TRPM2: variants seen among roughly 807,000 people sequenced by gnomAD.
TRPM2 encodes estrogen-responsive element-associated gene 1 protein.
TRPM2 carries 161 observed loss-of-function variants against 174.0 expected under a neutral mutation model. The ratio of observed to expected loss-of-function variants is 0.93; its 90% confidence interval spans 0.81 to 1.05. The LOEUF is 1.05. Ranked by LOEUF, TRPM2 falls within the 50% of genes least tolerant of loss-of-function variation. TRPM2 has a pLI of 0.00. For missense variants in TRPM2, 2,057 were observed against 2,038.0 expected, an observed-to-expected ratio of 1.01 and a Z score of -0.18; for synonymous variants, 954 against 861.3, an observed-to-expected ratio of 1.11 and a Z score of -1.88.
chr21:44,404,152 GACACAT>G (rs1569072392), intron 16 of TRPM2, among the ~76,000 whole-genome samples: 4 of 150,040 alleles, frequency 2.7e-5, no homozygotes, highest in African/African-American at 9.9e-5. Flanking sequence ...CACACATACA[GACACAT>G]ACACATATAT....
rs2051387069 is a variant in TRPM2, at chr21:44,439,012, C to T, written c.4168-55C>T. 1.3e-6 allele frequency: 2 copies of T among 1,493,524 alleles called. No homozygotes were observed. The highest frequency in any genetic ancestry group is 1.7e-5 in the Admixed American group (1 of 58,204). The allele number at this position is 1,493,524 out of a possible 1,614,324, so 92.5% of individuals were successfully genotyped here. The stretch of plus-strand genomic sequence containing the variant: ...CCAGTGGAGACGGGTGCCAGGGCAG[C>T]CTGAGGTCCCGCTTCGGTGCCCTGT... On this transcript the variant is annotated intron_variant, in intron 29 of 31. Transcript: ENST00000397928. The surrounding 1 kb of genome is among the most constrained non-coding windows in gnomAD (Gnocchi z 5.1).
rs79321573 is a variant in TRPM2, at chr21:44,434,665, G to A, written c.3975-466G>A. 7.0e-3 allele frequency among the ~76,000 whole-genome samples: 1,058 copies of A among 152,208 alleles called. 14 individuals carry two copies. Among genetic ancestry groups the A allele is most frequent in the African/African-American group, 0.025 (1,027 of 41,534 alleles). Reference sequence around the variant, plus strand: ...CCGTGGTTAGCACACTCTGCTGGGGGTCTGTGTGGCCTATCATCTGTGGCC... The same window carrying A: ...CCGTGGTTAGCACACTCTGCTGGGGATCTGTGTGGCCTATCATCTGTGGCC... On this transcript the variant is annotated intron_variant, in intron 27 of 31. Transcript: ENST00000397928.
intron 11 of TRPM2, among the ~76,000 whole-genome samples, chr21:44,394,173 A>G (rs947950668): frequency 3.3e-5 from 5 of 151,888 alleles, no homozygotes; most frequent in African/African-American, 1.2e-4. Flanking sequence ...CAGGCCGGGT[A>G]TGGCTTGGTT....
At position 44,423,672 on chromosome 21, in the gene TRPM2, C is replaced by A; in HGVS notation, c.3489C>A (p.Asp1163Glu). ...TTGACGCCATGGTGGACCTGCTGGA[C>A]CTGGACCCACTGAAGAGGTCGGGCT... ...NKVDAMVDLLDLDPLKRSGSM... is the reference protein window; with the variant it reads ...NKVDAMVDLLELDPLKRSGSM... Residue 1163 changes from aspartate (D) to glutamate (E), a missense_variant, in exon 23 of 32, where the codon GAC becomes GAA. Transcript: ENST00000397928. 6.2e-7 allele frequency: 1 copy of A among 1,613,006 alleles called. No individual in the cohort carries two copies. The highest frequency in any genetic ancestry group is 8.5e-7 in the Non-Finnish European group (1 of 1,179,836).
intron 28 of TRPM2, among the ~76,000 whole-genome samples, chr21:44,436,165 C>G (rs1458087418): frequency 1.3e-5 from 2 of 152,202 alleles, no homozygotes; most frequent in African/African-American, 4.8e-5. Flanking sequence ...CTGCTCTCAC[C>G]CAAGGCACGG....
At chr21:44,418,397 C>G (rs772840196) in intron 21 of TRPM2, 26 bp from the exon 22 acceptor site, 3 of 1,612,178 alleles carry the variant, frequency 1.9e-6, no homozygotes, top group Middle Eastern at 1.7e-4. Context: ...TTCCAGGTCC[C>G]CTGGTCTGTC....
rs753589764 is a variant in TRPM2 at position 44,425,661 on chromosome 21, T to C, written c.3638-9T>C. 5.0e-5 allele frequency: 75 copies of C among 1,497,016 alleles called. No individual in the cohort carries two copies. The highest frequency in any genetic ancestry group is 7.0e-5 in the African/African-American group (5 of 71,874). The allele number at this position is 1,497,016 out of a possible 1,614,324, so 92.7% of individuals were successfully genotyped here. On this transcript the variant is annotated splice_polypyrimidine_tract_variant and intron_variant, in intron 24 of 31. Coordinates refer to ENST00000397928, the MANE Select transcript of TRPM2 (RefSeq NM_003307.4). The stretch of plus-strand genomic sequence containing the variant: ...CCGCCTTGCGTCACGTCTTCCTGAC[T>C]GTCCCCAGCCTCCCAGAAGGCCGCG...
intron 19 of TRPM2, among the ~76,000 whole-genome samples, chr21:44,413,227 C>CTTT (rs958225632): frequency 6.9e-4 from 80 of 116,248 alleles, no homozygotes; most frequent in African/African-American, 2.3e-3. Flanking sequence ...CTTTTCAATT[C>CTTT]TTTTTTTTTT....
chr21:44,404,951 CAG>C lies in TRPM2; in HGVS notation c.2539-190_2539-189del, dbSNP rs1053292635. Reference sequence around the variant, plus strand: ...GTGACAGTGATAGTGATGATAGTGACAGTGACTGTGATGATAGTGGATAGTGA... The same window carrying C: ...GTGACAGTGATAGTGATGATAGTGACTGACTGTGATGATAGTGGATAGTGA... On this transcript the variant is annotated intron_variant, in intron 16 of 31. Transcript: ENST00000397928. Among the ~76,000 whole-genome samples, 29 of 134,638 alleles carry C rather than the reference CAG, an allele frequency of 2.2e-4. 1 individual carries two copies. Among genetic ancestry groups the C allele is most frequent in the Admixed American group, 3.9e-4 (5 of 12,986 alleles). 88.3% of individuals were successfully genotyped at this position (134,638 alleles called of 152,430 possible).
chr21:44,385,233 AC>A (rs2048985197), intron 9 of TRPM2, among the ~76,000 whole-genome samples: 1 of 152,238 alleles, frequency 6.6e-6, no homozygotes, highest in Admixed American at 6.5e-5. Flanking sequence ...CATGGTAAAA[AC>A]ATTCAACAAA....
intron 5 of TRPM2, 30 bp from the exon 6 acceptor site, chr21:44,375,803 G>C: frequency 6.3e-7 from 1 of 1,590,500 alleles, no homozygotes; most frequent in East Asian, 2.3e-5. Flanking sequence ...CTTTCCAGAA[G>C]CAGTGTCTGA....
intron 22 of TRPM2, chr21:44,422,530 A>G: frequency 2.2e-6 from 3 of 1,365,382 alleles, no homozygotes; most frequent in Non-Finnish European, 2.9e-6. Context: ...AACTGTTTAA[A>G]GTGGGTCATA....
At chr21:44,381,952 G>A (rs113514529) in intron 8 of TRPM2, among the ~76,000 whole-genome samples, 1 of 143,478 alleles carries the variant, frequency 7.0e-6, no homozygotes, top group African/African-American at 2.6e-5. Flanking sequence ...ATAGATAGAT[G>A]GATAGATAGA....
chr21:44,393,631 C>G (rs193184840), intron 11 of TRPM2, among the ~76,000 whole-genome samples: 3 of 151,350 alleles, frequency 2.0e-5, no homozygotes, highest in Non-Finnish European at 4.4e-5. Context: ...TAAGCTTGGT[C>G]GACTCCCCTG....
rs963623477 is a variant in TRPM2, at chr21:44,366,416, A to G, written c.424-338A>G. Among the ~76,000 whole-genome samples the G allele has an allele frequency of 6.6e-6, 1 of 151,746 alleles. No individual in the cohort carries two copies. Among genetic ancestry groups the G allele is most frequent in the South Asian group, 2.1e-4 (1 of 4,752 alleles). The stretch of plus-strand genomic sequence containing the variant: ...GGCAGGGCCCAGGCGCTACGGCGGG[A>G]ATTGGAGTCTGTGCTGGCGCATGTT... On this transcript the variant is annotated intron_variant, in intron 3 of 31. Transcript: ENST00000397928. This position sits in a 1 kb window ranked among gnomAD's most constrained non-coding sequence, Gnocchi z 6.0.
intron 12 of TRPM2, among the ~76,000 whole-genome samples, chr21:44,397,259 G>C (rs959433434): frequency 2.0e-5 from 3 of 152,012 alleles, no homozygotes; most frequent in African/African-American, 7.3e-5. Flanking sequence ...GGCTGGTCTC[G>C]AACTCCTGAC....
In TRPM2 at chr21:44,437,075, GAGGATGGAGCCATCTGC is replaced by G; in HGVS notation, c.4080_4096del (p.Asp1360GlufsTer50). 6.4e-7 allele frequency: 1 copy of G among 1,550,768 alleles called. No individual in the cohort carries two copies. The highest frequency in any genetic ancestry group is 8.7e-7 in the Non-Finnish European group (1 of 1,146,830). On this transcript the variant is annotated frameshift_variant, in exon 29 of 32. Transcript: ENST00000397928. LOFTEE classifies it high-confidence loss of function. ...CTCTCTCCGCAGGTGGAGGCGGAAC[GAGGATGGAGCCATCTGC>G]AGGAAGAGCATAAAGAAGATGCTGG...
chr21:44,440,760 G>T (rs1219150636), intron 30 of TRPM2, 29 bp from the exon 31 acceptor site: 1 of 1,603,852 alleles, frequency 6.2e-7, no homozygotes. Flanking sequence ...GTCCCTCGCT[G>T]TCGGGCTTAC....
intron 2 of TRPM2, among the ~76,000 whole-genome samples, chr21:44,359,350 G>T (rs1382280947): frequency 1.3e-5 from 2 of 152,068 alleles, no homozygotes; most frequent in Non-Finnish European, 2.9e-5. Context: ...TCAGGTGCTC[G>T]CAAGATCCCT....
Sources: gnomAD v4.1 joint callset for allele counts (sites outside exome capture counted in the v4.1 genomes callset) on GRCh38, gnomAD v4.1.1 for gene constraint, Gnocchi (gnomAD v3.1) non-coding constraint, MANE v1.5 for transcripts, NCBI Gene and HGNC (gene_info 2026-07-23, HGNC 2026-07-21) for gene names.